Variants in MDGA2 observed in about 807,000 individuals in gnomAD.
The protein encoded by MDGA2 is MAM domain containing glycosylphosphatidylinositol anchor 2.
MDGA2 carries 40 observed loss-of-function variants against 117.8 expected under a neutral mutation model. The ratio of observed to expected loss-of-function variants is 0.34; its 90% confidence interval spans 0.26 to 0.44. The LOEUF (loss-of-function observed/expected upper bound fraction) is 0.44, where lower values mean the gene tolerates loss of function less well. MDGA2 is among the 20% of genes least tolerant of loss of function. MDGA2 has a pLI of 1.00. For synonymous variants in MDGA2, 452 were observed against 439.0 expected (o/e 1.03, Z -0.37); for missense variants, 1,123 against 1,250.6 (o/e 0.90, Z 1.54).
intron 6 of MDGA2, among the ~76,000 whole-genome samples, chr14:47,069,441 T>A (rs1890199656): frequency 1.3e-5 from 2 of 152,146 alleles, no homozygotes; most frequent in African/African-American, 2.4e-5. Context: ...CCTGGTTCAT[T>A]TGAGTTCTAT....
intron 1 of MDGA2, among the ~76,000 whole-genome samples, chr14:47,540,445 A>G (rs1895320908): frequency 6.6e-6 from 1 of 150,406 alleles, no homozygotes; most frequent in Admixed American, 6.6e-5. Context: ...TTTATCACCA[A>G]CACACACACT....
At chr14:47,039,904 G>T (rs1050239992) in intron 7 of MDGA2, among the ~76,000 whole-genome samples, 2 of 149,656 alleles carry the variant, frequency 1.3e-5, no homozygotes, top group African/African-American at 5.0e-5. Flanking sequence ...TAGCTCTCTT[G>T]GCTCTCTCTC....
chr14:47,080,593 C>A (rs1176810606), intron 6 of MDGA2, among the ~76,000 whole-genome samples: 1 of 152,190 alleles, frequency 6.6e-6, no homozygotes, highest in Non-Finnish European at 1.5e-5. Context: ...CAAAACCATA[C>A]CTGAGCCTAC....
chr14:47,121,052 G>T (rs1881623297), intron 5 of MDGA2, among the ~76,000 whole-genome samples: 1 of 152,102 alleles, frequency 6.6e-6, no homozygotes, highest in Non-Finnish European at 1.5e-5. Context: ...TAACAAAAAT[G>T]TATTTCATCA....
chr14:47,196,459 G>A (rs941148913), intron 3 of MDGA2, among the ~76,000 whole-genome samples: 36 of 152,148 alleles, frequency 2.4e-4, no homozygotes, highest in Middle Eastern at 3.4e-3. Context: ...CTTCCTAAGC[G>A]TATACTTTTT....
chr14:47,382,997 A>G (rs1594828708), intron 1 of MDGA2, among the ~76,000 whole-genome samples: 1 of 152,220 alleles, frequency 6.6e-6, no homozygotes, highest in Non-Finnish European at 1.5e-5. Context: ...AATGTGGCAC[A>G]TATACACCAG....
chr14:47,175,717 G>A lies in MDGA2; in HGVS notation c.596-31443C>T, dbSNP rs990398987. ...CATACTGAATGGGCAAAAACTGGAA[G>A]CATTTCCTTTGAAAACTGGCACAAG... On this transcript the variant is annotated intron_variant, in intron 3 of 16. Coordinates refer to ENST00000399232, the MANE Select transcript of MDGA2 (RefSeq NM_001113498.3). Among the ~76,000 whole-genome samples, 37 of 147,866 alleles carry A rather than the reference G, an allele frequency of 2.5e-4. No individual in the cohort carries two copies. In the Middle Eastern group the frequency reaches 0.01, roughly 42 times the overall value.
chr14:47,385,967 G>A (rs1004538655), intron 1 of MDGA2, among the ~76,000 whole-genome samples: 16 of 152,118 alleles, frequency 1.1e-4, no homozygotes, highest in African/African-American at 3.6e-4. Flanking sequence ...ATCCATTAGA[G>A]TATTTTTCTA....
intron 1 of MDGA2, among the ~76,000 whole-genome samples, chr14:47,437,727 G>A (rs866748489): frequency 2.0e-5 from 3 of 152,128 alleles, no homozygotes; most frequent in Non-Finnish European, 4.4e-5. Context: ...TTCATCTGCA[G>A]CTGATCATTT....
chr14:47,669,168 CT>C (rs1407399823), intron 1 of MDGA2, among the ~76,000 whole-genome samples: 1 of 152,138 alleles, frequency 6.6e-6, no homozygotes, highest in Non-Finnish European at 1.5e-5. Flanking sequence ...TATTTGTACC[CT>C]GCTTCTCAAC....
intron 6 of MDGA2, among the ~76,000 whole-genome samples, chr14:47,079,041 A>G (rs11624541): frequency 0.028 from 4,300 of 152,174 alleles, 75 homozygotes; most frequent in Middle Eastern, 0.075. Context: ...ATGAAAAAAA[A>G]AAAAGGAAAC....
At chr14:47,383,892 T>A (rs535034333) in intron 1 of MDGA2, among the ~76,000 whole-genome samples, 2 of 152,198 alleles carry the variant, frequency 1.3e-5, no homozygotes, top group East Asian at 3.9e-4. Context: ...ATTTTGATCA[T>A]GCCTGAGACA....
chr14:47,477,430 T>C (rs1350599569), intron 1 of MDGA2, among the ~76,000 whole-genome samples: 4 of 152,184 alleles, frequency 2.6e-5, no homozygotes, highest in African/African-American at 4.8e-5. Context: ...ATGCACGATA[T>C]GGAAAGCAAG....
intron 1 of MDGA2, among the ~76,000 whole-genome samples, chr14:47,530,278 T>G (rs1228386051): frequency 6.6e-6 from 1 of 152,184 alleles, no homozygotes; most frequent in African/African-American, 2.4e-5. Context: ...TAAGGCATAC[T>G]CCCTTCGGAG....
chr14:47,162,221 A>T (rs1883672422), intron 3 of MDGA2, among the ~76,000 whole-genome samples: 1 of 152,044 alleles, frequency 6.6e-6, no homozygotes, highest in Non-Finnish European at 1.5e-5. Flanking sequence ...CCGGGATTAC[A>T]GGCATAAGCC....
At chr14:47,064,066 AAAC>A (rs1204381342) in intron 6 of MDGA2, among the ~76,000 whole-genome samples, 4 of 152,070 alleles carry the variant, frequency 2.6e-5, no homozygotes, top group Non-Finnish European at 5.9e-5. Flanking sequence ...TTATTCATAA[AAAC>A]AACTTTAAAA....
intron 10 of MDGA2, among the ~76,000 whole-genome samples, chr14:46,902,255 T>C (rs944143373): frequency 6.6e-6 from 1 of 152,184 alleles, no homozygotes; most frequent in Admixed American, 6.5e-5. Flanking sequence ...CTATTTTTGT[T>C]TACTTCCCAA....
intron 9 of MDGA2, among the ~76,000 whole-genome samples, chr14:46,925,874 GAAGA>G (rs369028296): frequency 4.0e-4 from 61 of 152,188 alleles, no homozygotes; most frequent in African/African-American, 1.4e-3. Flanking sequence ...TAAAAAAAGA[GAAGA>G]AATAAAGCAT....
At chr14:47,134,503 G>A (rs2139164294) in intron 4 of MDGA2, among the ~76,000 whole-genome samples, 1 of 151,914 alleles carries the variant, frequency 6.6e-6, no homozygotes, top group Admixed American at 6.6e-5. Flanking sequence ...TGTTACTCTA[G>A]TAATGATTTA....
Sources: gnomAD v4.1 joint callset for allele counts (sites outside exome capture counted in the v4.1 genomes callset) on GRCh38, gnomAD v4.1.1 for gene constraint, MANE v1.5 for transcripts, NCBI Gene and HGNC (gene_info 2026-07-23, HGNC 2026-07-21) for gene names.